TMEM117: variants seen among roughly 807,000 people sequenced by gnomAD.
TMEM117 encodes the protein transmembrane protein 117.
A neutral mutation model predicts 52.4 loss-of-function variants in TMEM117; 27 were observed. That is an observed-to-expected ratio of 0.51 (90% CI 0.38 to 0.71). TMEM117 has a LOEUF of 0.71. TMEM117 is among the 30% of genes least tolerant of loss of function. The pLI is 0.00. For synonymous variants in TMEM117, 215 were observed against 206.3 expected, an observed-to-expected ratio of 1.04 and a Z score of -0.36; for missense variants, 556 against 630.5, an observed-to-expected ratio of 0.88 and a Z score of 1.26.
At chr12:44,027,803 A>ACATG (rs1428134067) in intron 3 of TMEM117, among the ~76,000 whole-genome samples, 1 of 152,148 alleles carries the variant, frequency 6.6e-6, no homozygotes, top group African/African-American at 2.4e-5. Context: ...TAGAGAGGAG[A>ACATG]CATGAGTGTG....
chr12:44,350,701 T>C (rs969987139), intron 6 of TMEM117, among the ~76,000 whole-genome samples: 1 of 151,956 alleles, frequency 6.6e-6, no homozygotes, highest in Non-Finnish European at 1.5e-5. Flanking sequence ...CAGGATCTCA[T>C]TGTTTTATGG....
chr12:44,147,851 G>GAA (rs1274297513), intron 4 of TMEM117, among the ~76,000 whole-genome samples: 2 of 151,466 alleles, frequency 1.3e-5, no homozygotes, highest in Non-Finnish European at 2.9e-5. Flanking sequence ...AGAATGGCTT[G>GAA]AACCTGGGAG....
At chr12:44,375,985 C>A (rs17094560) in intron 6 of TMEM117, among the ~76,000 whole-genome samples, 4,390 of 152,260 alleles carry the variant, frequency 0.029, 101 homozygotes, top group African/African-American at 0.06. Flanking sequence ...GGAATTAATT[C>A]ACTGTTGATC....
intron 3 of TMEM117, among the ~76,000 whole-genome samples, chr12:44,134,108 T>A (rs1042342036): frequency 6.6e-6 from 1 of 152,240 alleles, no homozygotes; most frequent in Admixed American, 6.5e-5. Flanking sequence ...ATCTAGCTTT[T>A]CATCTATTCA....
chr12:44,026,573 A>C (rs1314899432), intron 3 of TMEM117, among the ~76,000 whole-genome samples: 1 of 152,088 alleles, frequency 6.6e-6, no homozygotes, highest in African/African-American at 2.4e-5. Context: ...ATTATGATTT[A>C]TAATTATTTA....
At chr12:44,260,964 C>T (rs1389933434) in intron 5 of TMEM117, among the ~76,000 whole-genome samples, 3 of 152,152 alleles carry the variant, frequency 2.0e-5, no homozygotes, top group African/African-American at 7.2e-5. Flanking sequence ...CTTTATATAG[C>T]ATGTTTCTTG....
intron 4 of TMEM117, among the ~76,000 whole-genome samples, chr12:44,157,839 A>G (rs115694602): frequency 0.011 from 1,745 of 152,230 alleles, 21 homozygotes; most frequent in South Asian, 0.052. Flanking sequence ...AAAAAGAAGT[A>G]TTGAGGAATG....
intron 3 of TMEM117, among the ~76,000 whole-genome samples, chr12:44,093,108 G>A (rs1203205404): frequency 3.3e-5 from 5 of 152,066 alleles, no homozygotes; most frequent in South Asian, 4.1e-4. Context: ...GATGAGCATG[G>A]TAATACTCCG....
chr12:44,150,636 G>A (rs563060165), intron 4 of TMEM117, among the ~76,000 whole-genome samples: 3 of 152,088 alleles, frequency 2.0e-5, no homozygotes, highest in Non-Finnish European at 1.5e-5. Context: ...AAGTAAATGT[G>A]GTCATTTTGC....
At chr12:44,071,301 C>T (rs550351786) in intron 3 of TMEM117, among the ~76,000 whole-genome samples, 1 of 152,198 alleles carries the variant, frequency 6.6e-6, no homozygotes, top group African/African-American at 2.4e-5. Context: ...TCCAGGTGTG[C>T]GTTCACCCTT....
rs144872276 is a variant in TMEM117 at position 44,331,924 on chromosome 12, G to A, written c.768+32185G>A. On this transcript the variant is annotated intron_variant, in intron 6 of 7. Transcript: ENST00000266534. The stretch of plus-strand genomic sequence containing the variant: ...TTATTCTTGTCACCTTGGGCACATA[G>A]GTTTTATCTGTGCTGCCAAAAATAA... 2.6e-5 allele frequency among the ~76,000 whole-genome samples: 4 copies of A among 152,034 alleles called. No individual in the cohort carries two copies. In the East Asian group the frequency reaches 7.8e-4, roughly 29 times the overall value.
At chr12:43,954,497 C>A (rs1203126372) in intron 3 of TMEM117, among the ~76,000 whole-genome samples, 1 of 151,966 alleles carries the variant, frequency 6.6e-6, no homozygotes, top group South Asian at 2.1e-4. Flanking sequence ...TACAGACAAC[C>A]CTCAGAGAAT....
At chr12:43,820,034 A>C in the TMEM117 span, among the ~76,000 whole-genome samples, 13 of 152,224 alleles carry the variant, frequency 8.5e-5, no homozygotes, top group African/African-American at 2.9e-4. Flanking sequence ...AAACATTATT[A>C]TCCATTGCAT....
chr12:43,987,894 G>A (rs1467380803), intron 3 of TMEM117, among the ~76,000 whole-genome samples: 1 of 152,008 alleles, frequency 6.6e-6, no homozygotes, highest in African/African-American at 2.4e-5. Context: ...TTCTATATTT[G>A]TCAGGAAAAC....
At chr12:44,104,932 AATATG>A (rs1234383364) in intron 3 of TMEM117, among the ~76,000 whole-genome samples, 1 of 151,934 alleles carries the variant, frequency 6.6e-6, no homozygotes, top group African/African-American at 2.4e-5. Context: ...CTATAGTTTG[AATATG>A]ATATGCCTAG....
rs147732954 is a variant in TMEM117, at chr12:43,967,361, C to T, written c.410+23019C>T. On this transcript the variant is annotated intron_variant, in intron 3 of 7. Transcript: ENST00000266534. The stretch of plus-strand genomic sequence containing the variant: ...CTGGTCTTGAACTCCTGGACTCGAG[C>T]GATCCTCCCACTTGGATTCCTAAAG... Among the ~76,000 whole-genome samples, 8 of 152,082 alleles carry T rather than the reference C, an allele frequency of 5.3e-5. No homozygotes were observed. In the East Asian group the frequency reaches 7.7e-4, roughly 15 times the overall value.
At position 44,317,387 on chromosome 12, in the gene TMEM117, TTTTTTG is replaced by T. The variant is rs1016989756; in HGVS notation, c.768+17667_768+17672del. 6.6e-5 allele frequency among the ~76,000 whole-genome samples: 10 copies of T among 151,826 alleles called. No individual in the cohort carries two copies. The East Asian group carries it at 9.6e-4, about 15-fold the overall frequency. On this transcript the variant is annotated intron_variant, in intron 6 of 7. Transcript: ENST00000266534. ...CTAGGGTCTTTTGGCTTTGCTTCAT[TTTTTTG>T]TTTTTGTTTTTGTTTTTGAGACAAA...
intron 3 of TMEM117, among the ~76,000 whole-genome samples, chr12:44,118,029 C>G (rs1011460516): frequency 1.3e-5 from 2 of 151,456 alleles, no homozygotes; most frequent in African/African-American, 4.8e-5. Context: ...CACACCTTGA[C>G]TTCTTTATTA....
chr12:44,089,310 T>A (rs1346299337), intron 3 of TMEM117, among the ~76,000 whole-genome samples: 2 of 152,164 alleles, frequency 1.3e-5, no homozygotes, highest in Non-Finnish European at 2.9e-5. Context: ...AAAATGGTAA[T>A]ATCTTCTAAA....
Sources: allele counts gnomAD v4.1 joint callset (sites outside exome capture counted in the v4.1 genomes callset), GRCh38; gene constraint gnomAD v4.1.1; transcripts MANE v1.5; gene names NCBI Gene and HGNC (gene_info 2026-07-23, HGNC 2026-07-21).